The following OCA2 variants were observed in gnomAD, a reference collection of about 807,000 sequenced individuals.
OCA2 encodes OCA2 melanosomal transmembrane protein.
A neutral mutation model predicts 100.2 loss-of-function variants in OCA2; 77 were observed. The observed-to-expected ratio is 0.77, with a 90% CI of 0.64 to 0.93. The LOEUF (loss-of-function observed/expected upper bound fraction) is 0.93, where lower values mean the gene tolerates loss of function less well. OCA2 is among the 40% of genes least tolerant of loss of function. The probability of loss-of-function intolerance (pLI) is 0.00; values close to 1 mark genes in which losing one functional copy is unlikely to be tolerated. For synonymous variants in OCA2, 432 were observed against 439.2 expected (o/e 0.98, Z 0.21); for missense variants, 1,062 against 1,089.1 (o/e 0.98, Z 0.35).
chr15:27,937,121 C>T (rs2594932), intron 18 of OCA2, among the ~76,000 whole-genome samples: 31,716 of 152,078 alleles, frequency 0.21, 3,832 homozygotes, highest in South Asian at 0.37. Flanking sequence ...CTCTGCCCTT[C>T]ACAACCAGAG....
chr15:27,891,404 G>A (rs912858255), intron 19 of OCA2, among the ~76,000 whole-genome samples: 1 of 152,202 alleles, frequency 6.6e-6, no homozygotes, highest in Non-Finnish European at 1.5e-5. Flanking sequence ...ACTGGAAACA[G>A]AGGAAATAAA....
intron 6 of OCA2, among the ~76,000 whole-genome samples, chr15:28,020,527 G>A (rs1474090514): frequency 6.6e-6 from 1 of 152,132 alleles, no homozygotes; most frequent in Non-Finnish European, 1.5e-5. Flanking sequence ...TGCCCAGGAG[G>A]GTGGCATGTC....
intron 23 of OCA2, among the ~76,000 whole-genome samples, chr15:27,781,988 CTG>C (rs2032566757): frequency 6.6e-6 from 1 of 152,214 alleles, no homozygotes; most frequent in South Asian, 2.1e-4. Flanking sequence ...TAGAGACACA[CTG>C]TGGAAAAAAC....
intron 19 of OCA2, among the ~76,000 whole-genome samples, chr15:27,916,482 G>A (rs2038669025): frequency 2.0e-5 from 3 of 152,052 alleles, no homozygotes; most frequent in Admixed American, 2.0e-4. Context: ...TTTTAAACAT[G>A]AATTTAAAGG....
chr15:28,025,828 T>A (rs2042732062), intron 4 of OCA2, among the ~76,000 whole-genome samples: 1 of 152,280 alleles, frequency 6.6e-6, no homozygotes. Context: ...AGAAACTCTA[T>A]GTTGGAACAT....
At position 28,079,644 on chromosome 15, in the gene OCA2, A is replaced by G. The variant is rs369643102; in HGVS notation, c.227+2004T>C. Among the ~76,000 whole-genome samples the G allele has an allele frequency of 4.1e-4, 63 of 152,264 alleles. No individual in the cohort carries two copies. In the East Asian group the frequency reaches 7.5e-3, roughly 18 times the overall value. ...CCCTGTTGCTCCTCCTCCTGGGAGA[A>G]GCTCCGCATGGGAGGTGTGGCTCAC... is the stretch of plus-strand genomic sequence containing the variant. On this transcript the variant is annotated intron_variant, in intron 2 of 23. Coordinates refer to ENST00000354638, the MANE Select transcript of OCA2 (RefSeq NM_000275.3).
At position 27,985,201 on chromosome 15, in the gene OCA2, A is replaced by G. The variant is rs755101883; in HGVS notation, c.1240-13T>C. 1.9e-6 allele frequency: 3 copies of G among 1,613,568 alleles called. No individual in the cohort carries two copies. The South Asian group carries it at 3.3e-5, about 18-fold the overall frequency. ...AGAGCCGGTATGCCTGGCCACACAC[A>G]CACAGAGAGAGTACAAGCCAGAGTG... On this transcript the variant is annotated splice_polypyrimidine_tract_variant and intron_variant, in intron 12 of 23. Transcript: ENST00000354638.
chr15:27,877,917 C>T (rs1005636957), intron 19 of OCA2, among the ~76,000 whole-genome samples: 9 of 151,270 alleles, frequency 5.9e-5, no homozygotes, highest in Non-Finnish European at 1.0e-4. Flanking sequence ...TTTCTGTGCC[C>T]ATTTTTTGCT....
rs139887041 is a variant in OCA2, at chr15:27,974,550, T to C, written c.1504-7728A>G. Among the ~76,000 whole-genome samples the C allele has an allele frequency of 6.9e-3, 1,056 of 152,286 alleles. 18 individuals carry two copies. The highest frequency in any genetic ancestry group is 0.024 in the African/African-American group (979 of 41,566). ...GGGAGGCCGAGGCAGATGGATCACC[T>C]GAGGTCAGTAATTCCAAGACCAGCT... On this transcript the variant is annotated intron_variant, in intron 14 of 23. Transcript: ENST00000354638.
At chr15:28,036,882 T>A (rs2043059936) in intron 2 of OCA2, among the ~76,000 whole-genome samples, 1 of 152,154 alleles carries the variant, frequency 6.6e-6, no homozygotes, top group Non-Finnish European at 1.5e-5. Context: ...TTAGGCCCTG[T>A]GCCACATAGG....
At chr15:27,765,010 G>T (rs1005565404) in intron 23 of OCA2, among the ~76,000 whole-genome samples, 1 of 152,172 alleles carries the variant, frequency 6.6e-6, no homozygotes, top group Non-Finnish European at 1.5e-5. Flanking sequence ...TCCAGGAAAG[G>T]GGTGGGCAAT....
the OCA2 span, among the ~76,000 whole-genome samples, chr15:27,736,123 TAAA>T: frequency 6.6e-6 from 1 of 150,776 alleles, no homozygotes; most frequent in African/African-American, 2.5e-5. Flanking sequence ...AATTAAAAAA[TAAA>T]ATAATAAAAA....
intron 11 of OCA2, among the ~76,000 whole-genome samples, chr15:27,989,224 T>C (rs534778671): frequency 6.6e-6 from 1 of 152,348 alleles, no homozygotes; most frequent in African/African-American, 2.4e-5. Context: ...ACCCAACTAA[T>C]ACTTAGGAGT....
At chr15:28,072,640 C>T (rs920021136) in intron 2 of OCA2, among the ~76,000 whole-genome samples, 1 of 147,262 alleles carries the variant, frequency 6.8e-6, no homozygotes, top group Admixed American at 6.8e-5. Flanking sequence ...TGGCAAAGGA[C>T]GTGAACAGAT....
At chr15:27,888,144 C>A (rs1431281573) in intron 19 of OCA2, among the ~76,000 whole-genome samples, 1 of 152,214 alleles carries the variant, frequency 6.6e-6, no homozygotes, top group Non-Finnish European at 1.5e-5. Context: ...GAAGAGACAT[C>A]TGGGCAGCCC....
chr15:28,027,764 A>T (rs1025073514), intron 4 of OCA2, 107 bp downstream of exon 4: 70 of 1,214,208 alleles, frequency 5.8e-5, no homozygotes, highest in Non-Finnish European at 7.3e-5. Context: ...AGATGAGACA[A>T]AACTCATCCT....
At chr15:27,988,736 C>T (rs536939645) in intron 11 of OCA2, among the ~76,000 whole-genome samples, 16 of 152,292 alleles carry the variant, frequency 1.1e-4, no homozygotes, top group South Asian at 6.2e-4. Flanking sequence ...TACACTTCCT[C>T]TCTTCTATCC....
intron 23 of OCA2, among the ~76,000 whole-genome samples, chr15:27,825,221 G>A (rs1170377229): frequency 6.6e-6 from 1 of 152,152 alleles, no homozygotes; most frequent in East Asian, 1.9e-4. Context: ...AGCCCGCTGT[G>A]CACCTGCCCT....
In OCA2 at chr15:27,926,252, A is replaced by T. The variant is rs886043514; in HGVS notation, c.1954T>A (p.Trp652Arg). ...FVPGIHLDLG[W>R]IAILGAIWLL... is the part of the protein sequence containing the mutation. ...CAGATGGCACCCAGAATAGCAATCC[A>T]TCCTGAAAATAAGTAAATAGACATA... is the stretch of plus-strand genomic sequence containing the variant. Residue 652 changes from tryptophan to arginine, a missense_variant and splice_region_variant, in exon 19 of 24, where the codon TGG (tryptophan) becomes AGG (arginine). Transcript: ENST00000354638. 3 of 1,614,014 alleles carry T rather than the reference A, an allele frequency of 1.9e-6. No homozygotes were observed. Among genetic ancestry groups the T allele is most frequent in the Non-Finnish European group, 1.7e-6 (2 of 1,179,866 alleles).
Sources: allele counts gnomAD v4.1 joint callset (sites outside exome capture counted in the v4.1 genomes callset), GRCh38; gene constraint gnomAD v4.1.1; transcripts MANE v1.5; gene names NCBI Gene and HGNC (gene_info 2026-07-23, HGNC 2026-07-21).